Variants in ZNF718 observed in about 807,000 individuals in gnomAD.
The protein encoded by ZNF718 is zinc finger protein 718.
A neutral mutation model predicts 2.6 loss-of-function variants in ZNF718; 3 were observed. The observed-to-expected ratio is 1.16, with a 90% confidence interval of 0.53 to 3.01. The LOEUF is 3.01. ZNF718 is among the 30% of genes most tolerant of loss of function. The pLI is 0.03. For missense variants in ZNF718, 468 were observed against 230.0 expected, an observed-to-expected ratio of 2.03 and a Z score of -6.69; for synonymous variants, 135 against 77.9, an observed-to-expected ratio of 1.73 and a Z score of -3.86.
At chr4:181,350 A>G (rs1296632451) in intron 3 of ZNF718, among the ~76,000 whole-genome samples, 2 of 151,582 alleles carry the variant, frequency 1.3e-5, no homozygotes, top group African/African-American at 2.4e-5. Flanking sequence ...AATACCTAAG[A>G]TATTTTTTGC....
chr4:135,756 A>ATATATATAT (rs1581426330), intron 3 of ZNF718, among the ~76,000 whole-genome samples: 11 of 143,704 alleles, frequency 7.7e-5, no homozygotes, highest in South Asian at 4.4e-4. Context: ...ATGATTATAT[A>ATATATATAT]ATCTACAGAC....
At chr4:175,159 G>A (rs1418113061) in intron 3 of ZNF718, among the ~76,000 whole-genome samples, 15 of 152,194 alleles carry the variant, frequency 9.9e-5, no homozygotes, top group African/African-American at 2.9e-4. Flanking sequence ...ATTTCAAGAG[G>A]CCATCCGGAG....
chr4:174,028 T>C (rs1553818655), intron 3 of ZNF718, among the ~76,000 whole-genome samples: 2 of 152,142 alleles, frequency 1.3e-5, no homozygotes. Flanking sequence ...ACATGAATGA[T>C]CAAAGGTCAG....
intron 3 of ZNF718, among the ~76,000 whole-genome samples, chr4:185,608 C>T (rs894617077): frequency 1.3e-5 from 2 of 152,090 alleles, no homozygotes; most frequent in Non-Finnish European, 2.9e-5. Flanking sequence ...TAAAGTACCC[C>T]ACTACTATTA....
intron 3 of ZNF718, among the ~76,000 whole-genome samples, chr4:148,306 C>A (rs2108793133): frequency 6.6e-6 from 1 of 152,158 alleles, no homozygotes; most frequent in African/African-American, 2.4e-5. Context: ...GTTATAGTGC[C>A]ACATCAAAAT....
At chr4:128,738 A>G (rs1345820410) in intron 1 of ZNF718, among the ~76,000 whole-genome samples, 1 of 103,502 alleles carries the variant, frequency 9.7e-6, no homozygotes, top group African/African-American at 3.4e-5. Flanking sequence ...CTCCCATTTC[A>G]GAGGAAGATA....
chr4:200,594 T>C (rs1216069081), intron 3 of ZNF718, among the ~76,000 whole-genome samples: 2 of 152,184 alleles, frequency 1.3e-5, no homozygotes, highest in East Asian at 3.8e-4. Context: ...TGTTTTTGTT[T>C]TTTTTAGAGT....
In ZNF718 at chr4:131,410, G is replaced by A; in HGVS notation, c.131G>A (p.Gly44Asp). The A allele has an allele frequency of 4.3e-6, 2 of 459,922 alleles. 1 individual carries two copies. The highest frequency in any genetic ancestry group is 1.6e-4 in the East Asian group (2 of 12,850). The allele number at this position is 459,922 out of a possible 1,614,324, so 28.5% of individuals were successfully genotyped here. A position where few individuals can be genotyped will look rare whatever the true frequency, so the allele number is the denominator to read the frequency against. The change falls in exon 3 of 4, where the codon GGT becomes GAT. Residue 44 changes from glycine (G) to aspartate (D), a missense_variant and splice_region_variant. Transcript: ENST00000510175. Reference protein sequence around the residue: ...LENYRNLVSLGVSISNPDLVT... With the variant: ...LENYRNLVSLDVSISNPDLVT... Reference sequence around the variant, plus strand: ...GTTAATTTTTTTTTTAATAAAACAGGTGTTAGTATCTCTAACCCAGACCTG... The same window carrying A: ...GTTAATTTTTTTTTTAATAAAACAGATGTTAGTATCTCTAACCCAGACCTG...
rs1325449397 is a variant in ZNF718, at chr4:161,878, A to G, written c.1193A>G (p.Glu398Gly). The change falls in exon 4 of 4, where the codon GAA becomes GGA. Residue 398 changes from glutamate (E) to glycine (G), a missense_variant. Transcript: ENST00000510175. The stretch of plus-strand genomic sequence containing the variant: ...TCTGGAAAAAATCCCTACAAATGTG[A>G]AGATTGTGGCAAAGCCTTTAAAGTG... ...IHSGKNPYKC[E>G]DCGKAFKVFA... 3.8e-6 allele frequency: 3 copies of G among 780,650 alleles called. No homozygotes were observed. Among genetic ancestry groups the G allele is most frequent in the Non-Finnish European group, 7.2e-6 (3 of 417,970 alleles). 48.4% of individuals were successfully genotyped at this position (780,650 alleles called of 1,614,324 possible).
chr4:153,802 A>G (rs1716443668), intron 3 of ZNF718, among the ~76,000 whole-genome samples: 1 of 152,210 alleles, frequency 6.6e-6, no homozygotes, highest in Non-Finnish European at 1.5e-5. Flanking sequence ...ACAGAAATCT[A>G]TATACTGACA....
At chr4:150,370 A>G (rs1716261406) in intron 3 of ZNF718, 1 of 152,144 alleles carries the variant, frequency 6.6e-6, no homozygotes, top group Non-Finnish European at 1.5e-5. Flanking sequence ...GGATACGATG[A>G]TGTAGTACCA....
At chr4:140,594 G>A (rs1715770518) in intron 3 of ZNF718, among the ~76,000 whole-genome samples, 3 of 152,260 alleles carry the variant, frequency 2.0e-5, no homozygotes, top group Non-Finnish European at 4.4e-5. Flanking sequence ...AACTGCCATG[G>A]AGACTGCTTT....
intron 1 of ZNF718, among the ~76,000 whole-genome samples, chr4:125,645 C>A (rs1715175677): frequency 6.6e-6 from 1 of 152,168 alleles, no homozygotes; most frequent in African/African-American, 2.4e-5. Flanking sequence ...GGGCACTGTC[C>A]TCTTCCTCCA....
intron 1 of ZNF718, among the ~76,000 whole-genome samples, chr4:125,610 G>A (rs1297078629): frequency 6.6e-6 from 1 of 152,172 alleles, no homozygotes; most frequent in Admixed American, 6.6e-5. Flanking sequence ...GGCGCGGCCG[G>A]GTTCTGCACA....
At chr4:145,954 CT>C (rs1230893376) in intron 3 of ZNF718, among the ~76,000 whole-genome samples, 3 of 151,510 alleles carry the variant, frequency 2.0e-5, no homozygotes, top group Middle Eastern at 3.2e-3. Flanking sequence ...TCACCCTTTA[CT>C]TTTTTTTAAT....
chr4:135,672 T>C (rs1715528578), intron 3 of ZNF718, among the ~76,000 whole-genome samples: 1 of 138,036 alleles, frequency 7.2e-6, no homozygotes, highest in South Asian at 2.4e-4. Context: ...TTTCACAAGA[T>C]TATGTATCCT....
At chr4:169,254 G>A (rs1717167167) in intron 3 of ZNF718, among the ~76,000 whole-genome samples, 1 of 152,148 alleles carries the variant, frequency 6.6e-6, no homozygotes, top group Non-Finnish European at 1.5e-5. Flanking sequence ...ATTTGCTGAG[G>A]AGTGCTTTAC....
At chr4:145,483 C>T (rs531689838) in intron 3 of ZNF718, among the ~76,000 whole-genome samples, 2 of 151,896 alleles carry the variant, frequency 1.3e-5, no homozygotes, top group Non-Finnish European at 2.9e-5. Flanking sequence ...TTTTTTTGTA[C>T]AGATAGGGTC....
chr4:157,552 A>G (rs917645608), intron 3 of ZNF718, among the ~76,000 whole-genome samples: 1 of 152,178 alleles, frequency 6.6e-6, no homozygotes, highest in Admixed American at 6.5e-5. Flanking sequence ...TGATTATTAC[A>G]TTCAACAGTC....
Sources: allele counts gnomAD v4.1 joint callset (sites outside exome capture counted in the v4.1 genomes callset), GRCh38; gene constraint gnomAD v4.1.1; transcripts MANE v1.5; gene names NCBI Gene and HGNC (gene_info 2026-07-23, HGNC 2026-07-21).